The following MAPK10 variants were observed in gnomAD, a reference collection of about 807,000 sequenced individuals.
MAPK10 encodes the protein mitogen-activated protein kinase 10.
A neutral mutation model predicts 59.3 loss-of-function variants in MAPK10; 25 were observed. That is an observed-to-expected ratio of 0.42 (90% CI 0.31 to 0.59). The LOEUF is 0.59. Ranked by LOEUF, MAPK10 falls within the 20% of genes least tolerant of loss-of-function variation. MAPK10 has a pLI of 0.15. For synonymous variants in MAPK10, 190 were observed against 200.5 expected (o/e 0.95, Z 0.44); for missense variants, 351 against 568.9 (o/e 0.62, Z 3.90).
At chr4:86,500,704 G>A (rs1357704348) in intron 1 of MAPK10, among the ~76,000 whole-genome samples, 1 of 152,030 alleles carries the variant, frequency 6.6e-6, no homozygotes, top group African/African-American at 2.4e-5. Context: ...GTGTTGTGAT[G>A]TTTAATTAAT....
At chr4:86,341,224 G>A (rs928890927) in intron 2 of MAPK10, among the ~76,000 whole-genome samples, 1 of 152,170 alleles carries the variant, frequency 6.6e-6, no homozygotes, top group African/African-American at 2.4e-5. Context: ...TACTCTTGAA[G>A]TCTTTGTGCA....
At chr4:86,488,068 G>GC (rs1754150073) in intron 1 of MAPK10, among the ~76,000 whole-genome samples, 1 of 152,112 alleles carries the variant, frequency 6.6e-6, no homozygotes, top group Non-Finnish European at 1.5e-5. Context: ...AATGAGGCAA[G>GC]TTTTTCCCTC....
At chr4:86,106,374 G>A (rs921761511) in intron 5 of MAPK10, among the ~76,000 whole-genome samples, 6 of 150,634 alleles carry the variant, frequency 4.0e-5, no homozygotes, top group African/African-American at 1.5e-4. Context: ...AATTTTACTT[G>A]TAATGAAGTT....
At chr4:86,183,548 A>G (rs2077420145) in intron 3 of MAPK10, among the ~76,000 whole-genome samples, 1 of 152,008 alleles carries the variant, frequency 6.6e-6, no homozygotes, top group Non-Finnish European at 1.5e-5. Context: ...ATTGTTGGAC[A>G]TTTGGGTTGG....
chr4:86,059,444 T>C (rs1301953218), intron 11 of MAPK10, among the ~76,000 whole-genome samples: 3 of 152,212 alleles, frequency 2.0e-5, no homozygotes, highest in African/African-American at 7.2e-5. Context: ...TGTAATAGTG[T>C]TGACTATTCT....
intron 3 of MAPK10, among the ~76,000 whole-genome samples, chr4:86,166,631 G>A (rs1217502310): frequency 2.0e-5 from 3 of 152,166 alleles, no homozygotes; most frequent in African/African-American, 7.2e-5. Context: ...AGAATTACAG[G>A]ATAAGAAGAT....
rs549504032 is a variant in MAPK10 at position 86,188,097 on chromosome 4, C to T, written c.66+6239G>A. On this transcript the variant is annotated intron_variant, in intron 3 of 13. Transcript: ENST00000641462. ...CATGAACTCATCCTTTTTATGGCTG[C>T]GTAGTATTCCATGGTGTGTATGTGG... Among the ~76,000 whole-genome samples, 36 of 152,244 alleles carry T rather than the reference C, an allele frequency of 2.4e-4. No homozygotes were observed. The East Asian group carries it at 5.0e-3, about 21-fold the overall frequency.
At chr4:86,444,732 AC>A (rs1307485032) in intron 1 of MAPK10, among the ~76,000 whole-genome samples, 3 of 151,872 alleles carry the variant, frequency 2.0e-5, no homozygotes, top group South Asian at 2.1e-4. Flanking sequence ...AAAAAAAAAA[AC>A]AACCCTATCA....
At chr4:86,259,346 A>G (rs565516155) in intron 2 of MAPK10, among the ~76,000 whole-genome samples, 82 of 152,276 alleles carry the variant, frequency 5.4e-4, no homozygotes, top group Non-Finnish European at 8.2e-4. Flanking sequence ...GAGGTCCCAC[A>G]GACAACACAA....
At position 86,013,206 on chromosome 4, in the gene MAPK10, C is replaced by G. The variant is rs894694848; in HGVS notation, c.*4022G>C. ...AAAAGAAATAACAAAATCTTATCCT[C>G]TAATCACAAAGAAAATAGCTAAAAT... On this transcript the variant is annotated 3_prime_UTR_variant, in exon 14 of 14. Transcript: ENST00000641462. 2.0e-5 allele frequency: 3 copies of G among 152,208 alleles called. No individual in the cohort carries two copies. The highest frequency in any genetic ancestry group is 2.9e-5 in the Non-Finnish European group (2 of 68,036). 9.4% of individuals were successfully genotyped at this position (152,208 alleles called of 1,614,324 possible).
intron 9 of MAPK10, among the ~76,000 whole-genome samples, chr4:86,076,488 A>G (rs915776539): frequency 6.6e-6 from 1 of 152,176 alleles, no homozygotes; most frequent in Non-Finnish European, 1.5e-5. Context: ...TCCTGTTTCC[A>G]TGTTCAGTGC....
chr4:86,450,128 G>T (rs970458014), intron 1 of MAPK10, among the ~76,000 whole-genome samples: 1 of 152,238 alleles, frequency 6.6e-6, no homozygotes, highest in Admixed American at 6.5e-5. Flanking sequence ...AAGCCAATAA[G>T]TTGTGCTAAT....
At chr4:86,188,590 G>A (rs2078856436) in intron 3 of MAPK10, among the ~76,000 whole-genome samples, 1 of 151,854 alleles carries the variant, frequency 6.6e-6, no homozygotes, top group African/African-American at 2.4e-5. Context: ...TTTTTGATGG[G>A]GTTGTTTGTT....
At chr4:86,529,446 T>C (rs1757706993) in intron 1 of MAPK10, among the ~76,000 whole-genome samples, 1 of 152,186 alleles carries the variant, frequency 6.6e-6, no homozygotes, top group South Asian at 2.1e-4. Context: ...ACTCATGCCT[T>C]CTCCACTGCA....
chr4:86,267,798 T>A (rs1276120191), intron 2 of MAPK10, among the ~76,000 whole-genome samples: 1 of 151,540 alleles, frequency 6.6e-6, no homozygotes, highest in Non-Finnish European at 1.5e-5. Flanking sequence ...TGATCTCACT[T>A]AAAAAAAAAT....
chr4:86,460,474 A>G (rs1751627753), intron 1 of MAPK10, among the ~76,000 whole-genome samples: 1 of 152,242 alleles, frequency 6.6e-6, no homozygotes, highest in Non-Finnish European at 1.5e-5. Context: ...CGTCACATGT[A>G]AAAATCAGAA....
rs990336791 is a variant in MAPK10 at position 86,147,867 on chromosome 4, C to A, written c.236+11431G>T. On this transcript the variant is annotated intron_variant, in intron 4 of 13. Coordinates refer to ENST00000641462, the MANE Select transcript of MAPK10 (RefSeq NM_138982.4). ...TAATTGAATTGATGTTTGCATACAA[C>A]AGTATCTAATTCCTACAGGTGATGC... is the stretch of plus-strand genomic sequence containing the variant. Among the ~76,000 whole-genome samples, 4 of 152,276 alleles carry A rather than the reference C, an allele frequency of 2.6e-5. No individual in the cohort carries two copies. In the East Asian group the frequency reaches 7.7e-4, roughly 29 times the overall value.
intron 1 of MAPK10, among the ~76,000 whole-genome samples, chr4:86,584,355 G>C (rs1337643609): frequency 6.6e-6 from 1 of 152,114 alleles, no homozygotes; most frequent in East Asian, 1.9e-4. Context: ...ACTTTTAGGA[G>C]GTCTAAGTGG....
At chr4:86,325,556 A>G (rs1319318966) in intron 2 of MAPK10, among the ~76,000 whole-genome samples, 1 of 152,246 alleles carries the variant, frequency 6.6e-6, no homozygotes, top group African/African-American at 2.4e-5. Flanking sequence ...AGTGTTAATT[A>G]TAAAAATGCA....
Sources: gnomAD v4.1 joint callset for allele counts (sites outside exome capture counted in the v4.1 genomes callset) on GRCh38, gnomAD v4.1.1 for gene constraint, MANE v1.5 for transcripts, NCBI Gene and HGNC (gene_info 2026-07-23, HGNC 2026-07-21) for gene names.